Variants in VWA3B observed in about 807,000 individuals in gnomAD.
VWA3B encodes von Willebrand factor A domain-containing protein 3B.
In VWA3B, 138 loss-of-function variants were observed where a neutral mutation model predicts 158.3. That is an observed-to-expected ratio of 0.87 (90% CI 0.76 to 1.00). VWA3B has a LOEUF of 1.00. VWA3B is among the 50% of genes least tolerant of loss of function. VWA3B has a pLI of 0.00. For synonymous variants in VWA3B, 596 were observed against 587.3 expected (o/e 1.01, Z -0.21); for missense variants, 1,555 against 1,565.1 (o/e 0.99, Z 0.11).
At chr2:98,293,164 C>T (rs1689600701) in intron 23 of VWA3B, among the ~76,000 whole-genome samples, 1 of 152,012 alleles carries the variant, frequency 6.6e-6, no homozygotes, top group African/African-American at 2.4e-5. Flanking sequence ...AATACCATGG[C>T]CATGTGCAAT....
the VWA3B span, among the ~76,000 whole-genome samples, chr2:98,321,136 C>T: frequency 3.2e-3 from 491 of 152,356 alleles, 2 homozygotes; most frequent in Middle Eastern, 6.8e-3. Flanking sequence ...TTGCAGCTTA[C>T]AAGTGGTGTT....
At chr2:98,163,040 G>T (rs1322726374) in intron 8 of VWA3B, 64 bp downstream of exon 8, 2 of 1,594,740 alleles carry the variant, frequency 1.3e-6, no homozygotes, top group Admixed American at 1.7e-5. Flanking sequence ...GGGACCAGGG[G>T]CTGCTTCCAT....
At chr2:98,172,180 G>A (rs563116109) in intron 8 of VWA3B, among the ~76,000 whole-genome samples, 1 of 152,190 alleles carries the variant, frequency 6.6e-6, no homozygotes, top group Non-Finnish European at 1.5e-5. Flanking sequence ...CAGAAGAATC[G>A]GATCACACGT....
chr2:98,185,148 C>T (rs557983353), intron 9 of VWA3B, among the ~76,000 whole-genome samples: 1 of 152,316 alleles, frequency 6.6e-6, no homozygotes, highest in South Asian at 2.1e-4. Context: ...GCCACATCCT[C>T]AGTTCCAAAC....
chr2:98,294,865 A>T (rs547282087), intron 23 of VWA3B, among the ~76,000 whole-genome samples: 2 of 152,310 alleles, frequency 1.3e-5, no homozygotes, highest in South Asian at 4.1e-4. Flanking sequence ...CCTGTACCTC[A>T]GTGTCCCTGT....
chr2:98,250,243 T>A (rs1490709458), intron 19 of VWA3B, 75 bp from the exon 20 acceptor site: 3 of 1,004,218 alleles, frequency 3.0e-6, no homozygotes, highest in Non-Finnish European at 4.5e-6. Flanking sequence ...GTTATACAAC[T>A]ATGTAGATGT....
rs115172604 is a variant in VWA3B at position 98,097,728 on chromosome 2, A to C, written c.196+4440A>C. Among the ~76,000 whole-genome samples, 1,035 of 152,202 alleles carry C rather than the reference A, an allele frequency of 6.8e-3. 14 individuals carry two copies. The highest frequency in any genetic ancestry group is 0.024 in the African/African-American group (990 of 41,534). ...CTAATTTGCATTCCCATATATAAGC[A>C]TTCTTTTTTTCTTTTTTTAACCACA... On this transcript the variant is annotated intron_variant, in intron 2 of 27. Coordinates refer to ENST00000477737, the MANE Select transcript of VWA3B (RefSeq NM_144992.5).
At chr2:98,150,843 G>A (rs995346420) in intron 7 of VWA3B, among the ~76,000 whole-genome samples, 2 of 152,164 alleles carry the variant, frequency 1.3e-5, no homozygotes, top group South Asian at 2.1e-4. Context: ...TCTGGAGGGT[G>A]AGGAAGGACT....
chr2:98,219,831 A>G (rs1456767213), intron 14 of VWA3B, among the ~76,000 whole-genome samples: 1 of 152,200 alleles, frequency 6.6e-6, no homozygotes, highest in Non-Finnish European at 1.5e-5. Flanking sequence ...CGGACTGAAA[A>G]TATCTTTCAA....
the VWA3B span, among the ~76,000 whole-genome samples, chr2:98,327,865 C>T: frequency 1.1e-4 from 17 of 152,204 alleles, no homozygotes; most frequent in African/African-American, 3.9e-4. Flanking sequence ...CTGTGTGCTT[C>T]ACGTACCCCA....
intron 9 of VWA3B, among the ~76,000 whole-genome samples, chr2:98,185,806 C>T (rs556979172): frequency 3.6e-4 from 55 of 152,352 alleles, no homozygotes; most frequent in Admixed American, 9.8e-4. Context: ...ATCACAGCCT[C>T]CTGTTGCCCT....
Position 98,093,193 on chromosome 2 carries a change from T to C in VWA3B, c.101T>C (p.Ile34Thr). The C allele has an allele frequency of 6.2e-7, 1 of 1,614,156 alleles. No individual in the cohort carries two copies. Among genetic ancestry groups the C allele is most frequent in the South Asian group, 1.1e-5 (1 of 91,086 alleles). Residue 34 changes from isoleucine to threonine, a missense_variant, in exon 2 of 28, where the codon ATT (isoleucine) becomes ACT (threonine). Coordinates refer to ENST00000477737, the MANE Select transcript of VWA3B (RefSeq NM_144992.5). ...TKTDLAEQSL[I>T]SSEKWLQLHG... Reference sequence around the variant, plus strand: ...ACAGACTTGGCTGAGCAGAGTCTCATTTCATCTGAGAAATGGCTTCAACTG... The same window carrying C: ...ACAGACTTGGCTGAGCAGAGTCTCACTTCATCTGAGAAATGGCTTCAACTG...
chr2:98,143,394 A>C (rs556620902), intron 7 of VWA3B, among the ~76,000 whole-genome samples: 1 of 152,282 alleles, frequency 6.6e-6, no homozygotes, highest in Non-Finnish European at 1.5e-5. Context: ...TTTACTTTCT[A>C]AACTGTAGCT....
chr2:98,310,754 G>A (rs1007469777), intron 26 of VWA3B, among the ~76,000 whole-genome samples: 20 of 152,196 alleles, frequency 1.3e-4, no homozygotes, highest in Non-Finnish European at 1.6e-4. Context: ...GCTGGCCTCA[G>A]ATTTAAAGAT....
chr2:98,115,287 C>G (rs918933043), intron 2 of VWA3B, among the ~76,000 whole-genome samples: 1 of 151,974 alleles, frequency 6.6e-6, no homozygotes, highest in African/African-American at 2.4e-5. Context: ...CACACCAGGG[C>G]CTGTCGTGGG....
At chr2:98,239,568 G>A (rs987872758) in intron 19 of VWA3B, among the ~76,000 whole-genome samples, 6 of 149,476 alleles carry the variant, frequency 4.0e-5, no homozygotes, top group South Asian at 2.1e-4. Context: ...AATTTTTATT[G>A]TAGTACTTTT....
At chr2:98,182,027 G>A (rs1398490035) in intron 9 of VWA3B, among the ~76,000 whole-genome samples, 1 of 152,232 alleles carries the variant, frequency 6.6e-6, no homozygotes, top group Non-Finnish European at 1.5e-5. Flanking sequence ...AATGAACATG[G>A]CAGATTTGCA....
intron 23 of VWA3B, among the ~76,000 whole-genome samples, chr2:98,292,872 G>A (rs1207698921): frequency 1.3e-5 from 2 of 151,928 alleles, no homozygotes; most frequent in African/African-American, 4.8e-5. Context: ...GCTGAGGCAG[G>A]AGAATCGCTT....
intron 7 of VWA3B, among the ~76,000 whole-genome samples, chr2:98,153,456 A>C (rs1047513951): frequency 6.6e-6 from 1 of 152,194 alleles, no homozygotes; most frequent in Admixed American, 6.5e-5. Context: ...TGCATGAACT[A>C]AGACTAAATA....
Sources: gnomAD v4.1 joint callset for allele counts (sites outside exome capture counted in the v4.1 genomes callset) on GRCh38, gnomAD v4.1.1 for gene constraint, MANE v1.5 for transcripts, NCBI Gene and HGNC (gene_info 2026-07-23, HGNC 2026-07-21) for gene names.